KCNIP4: variants seen among roughly 807,000 people sequenced by gnomAD.
KCNIP4 encodes potassium voltage-gated channel interacting protein 4.
Under a neutral mutation model 34.0 loss-of-function variants are expected in KCNIP4, and 12 were observed. That is an observed-to-expected ratio of 0.35 (90% CI 0.23 to 0.57). KCNIP4 has a LOEUF of 0.57. Ranked by LOEUF, KCNIP4 falls within the 20% of genes least tolerant of loss-of-function variation. KCNIP4 has a pLI of 0.83. For missense variants in KCNIP4, 238 were observed against 311.7 expected (o/e 0.76, Z 1.78); for synonymous variants, 124 against 102.2 (o/e 1.21, Z -1.29).
chr4:21,842,773 T>G (rs992638830), intron 1 of KCNIP4, among the ~76,000 whole-genome samples: 2 of 152,094 alleles, frequency 1.3e-5, no homozygotes, highest in Non-Finnish European at 2.9e-5. Context: ...AAGGTAACAT[T>G]ATTACAACGA....
chr4:21,240,454 C>T (rs1271418431), intron 1 of KCNIP4, among the ~76,000 whole-genome samples: 1 of 152,098 alleles, frequency 6.6e-6, no homozygotes, highest in African/African-American at 2.4e-5. Flanking sequence ...AACATGCTAG[C>T]CATCTGCAGC....
At chr4:20,764,837 A>C (rs1376592200) in intron 3 of KCNIP4, among the ~76,000 whole-genome samples, 3 of 152,178 alleles carry the variant, frequency 2.0e-5, no homozygotes, top group Non-Finnish European at 4.4e-5. Flanking sequence ...TGTTTTTCAC[A>C]CAGACAGGGT....
intron 1 of KCNIP4, among the ~76,000 whole-genome samples, chr4:21,883,161 T>C (rs1560785600): frequency 1.4e-5 from 2 of 144,026 alleles, no homozygotes; most frequent in Non-Finnish European, 3.1e-5. Flanking sequence ...GAGTTGTTGT[T>C]TTTTTTTTTT....
At chr4:21,454,370 T>C (rs1460486) in intron 1 of KCNIP4, among the ~76,000 whole-genome samples, 47,253 of 151,862 alleles carry the variant, frequency 0.31, 8,192 homozygotes, top group Non-Finnish European at 0.39. Flanking sequence ...ACTCACTCTC[T>C]AAGAGATTCT....
chr4:21,048,374 T>C (rs974671347), intron 1 of KCNIP4, among the ~76,000 whole-genome samples: 1 of 152,194 alleles, frequency 6.6e-6, no homozygotes, highest in Non-Finnish European at 1.5e-5. Context: ...TGCATCACTT[T>C]TGTTCACCAG....
intron 1 of KCNIP4, among the ~76,000 whole-genome samples, chr4:21,354,218 T>C (rs774137535): frequency 6.6e-6 from 1 of 152,072 alleles, no homozygotes; most frequent in South Asian, 2.1e-4. Context: ...AGACCATCGA[T>C]GCTATGAAGA....
chr4:21,122,174 G>GTT (rs71818519), intron 1 of KCNIP4, among the ~76,000 whole-genome samples: 18 of 142,054 alleles, frequency 1.3e-4, no homozygotes, highest in African/African-American at 3.1e-4. Context: ...TGCAGATCAA[G>GTT]TTTTTTTTTT....
intron 1 of KCNIP4, among the ~76,000 whole-genome samples, chr4:20,883,378 C>T (rs1724928988): frequency 6.6e-6 from 1 of 152,162 alleles, no homozygotes. Context: ...GCTTGTCAAA[C>T]ATTAACCCAG....
chr4:21,148,843 G>A (rs1424601485), intron 1 of KCNIP4, among the ~76,000 whole-genome samples: 1 of 152,166 alleles, frequency 6.6e-6, no homozygotes, highest in African/African-American at 2.4e-5. Context: ...TGATCAATCT[G>A]TTTTGATGAA....
chr4:21,104,086 T>G (rs1239485419), intron 1 of KCNIP4, among the ~76,000 whole-genome samples: 2 of 152,148 alleles, frequency 1.3e-5, no homozygotes, highest in Non-Finnish European at 2.9e-5. Flanking sequence ...TTATAGTCCC[T>G]TGGGTATATG....
At chr4:20,865,040 C>T (rs953818358) in intron 2 of KCNIP4, among the ~76,000 whole-genome samples, 5 of 152,084 alleles carry the variant, frequency 3.3e-5, no homozygotes, top group Admixed American at 3.3e-4. Context: ...TCACCACTGG[C>T]TCTTCATTAT....
intron 1 of KCNIP4, among the ~76,000 whole-genome samples, chr4:21,149,680 A>C (rs2109240353): frequency 6.6e-6 from 1 of 152,298 alleles, no homozygotes; most frequent in Non-Finnish European, 1.5e-5. Context: ...TTAGGAAGGA[A>C]GCTTTGGTTA....
At chr4:21,747,406 C>G (rs17497900) in intron 1 of KCNIP4, among the ~76,000 whole-genome samples, 2 of 152,102 alleles carry the variant, frequency 1.3e-5, no homozygotes, top group African/African-American at 2.4e-5. Context: ...GAGACACTAC[C>G]TTTCTGCTGC....
chr4:20,788,501 A>C (rs1044662625), intron 3 of KCNIP4, among the ~76,000 whole-genome samples: 2 of 152,180 alleles, frequency 1.3e-5, no homozygotes, highest in African/African-American at 2.4e-5. Flanking sequence ...GCTCAGGTCC[A>C]GAGTTAGCTC....
chr4:21,173,403 C>T (rs1476483453), intron 1 of KCNIP4, among the ~76,000 whole-genome samples: 2 of 152,082 alleles, frequency 1.3e-5, no homozygotes, highest in African/African-American at 4.8e-5. Context: ...GCAGACCTGT[C>T]TCCCCACACA....
chr4:21,333,817 G>T (rs545060456), intron 1 of KCNIP4, among the ~76,000 whole-genome samples: 15 of 152,206 alleles, frequency 9.9e-5, no homozygotes, highest in Middle Eastern at 3.4e-3. Flanking sequence ...TAAAAGGAAA[G>T]AATGGATGCT....
At chr4:21,621,398 A>T (rs1211356117) in intron 1 of KCNIP4, among the ~76,000 whole-genome samples, 8 of 152,090 alleles carry the variant, frequency 5.3e-5, no homozygotes, top group Non-Finnish European at 1.2e-4. Flanking sequence ...GTCTTGCTCT[A>T]TCACCCAGGC....
intron 1 of KCNIP4, among the ~76,000 whole-genome samples, chr4:21,429,055 T>C (rs1048184818): frequency 9.9e-5 from 15 of 152,182 alleles, no homozygotes; most frequent in African/African-American, 3.4e-4. Flanking sequence ...TTGACAAATA[T>C]GTAATGACAT....
At chr4:21,795,766 A>G (rs1385434934) in intron 1 of KCNIP4, among the ~76,000 whole-genome samples, 1 of 152,144 alleles carries the variant, frequency 6.6e-6, no homozygotes, top group Non-Finnish European at 1.5e-5. Context: ...TCTTCTTTGA[A>G]AAAAATAAAT....
Sources: gnomAD v4.1 joint callset for allele counts (sites outside exome capture counted in the v4.1 genomes callset) on GRCh38, gnomAD v4.1.1 for gene constraint, MANE v1.5 for transcripts, NCBI Gene and HGNC (gene_info 2026-07-23, HGNC 2026-07-21) for gene names.